The following ENPP6 variants were observed in gnomAD, a reference collection of about 807,000 sequenced individuals.
ENPP6 encodes the protein glycerophosphocholine cholinephosphodiesterase ENPP6.
A neutral mutation model predicts 42.0 loss-of-function variants in ENPP6; 32 were observed. The ratio of observed to expected loss-of-function variants is 0.76; its 90% CI spans 0.58 to 1.02. The LOEUF is 1.02. ENPP6 is among the 50% of genes least tolerant of loss of function. The probability of loss-of-function intolerance (pLI) is 0.00; values close to 1 mark genes in which losing one functional copy is unlikely to be tolerated. For synonymous variants in ENPP6, 213 were observed against 216.0 expected (o/e 0.99, Z 0.12); for missense variants, 552 against 566.8 (o/e 0.97, Z 0.27).
chr4:184,194,093 C>T (rs1407947853), intron 1 of ENPP6, among the ~76,000 whole-genome samples: 4 of 152,162 alleles, frequency 2.6e-5, no homozygotes, highest in East Asian at 1.9e-4. Flanking sequence ...TGAGCATGGT[C>T]CCCGAGGTTC....
At chr4:184,216,847 C>G (rs1232988568) in intron 1 of ENPP6, 2 of 152,154 alleles carry the variant, frequency 1.3e-5, no homozygotes, top group Non-Finnish European at 2.9e-5. Flanking sequence ...GAAGGCCGTC[C>G]TTAGGAAAAT....
chr4:184,106,845 G>A (rs373803054), intron 6 of ENPP6, among the ~76,000 whole-genome samples: 39 of 152,272 alleles, frequency 2.6e-4, no homozygotes, highest in Non-Finnish European at 3.5e-4. Flanking sequence ...CGCTGTAGTC[G>A]GCACTCAGCA....
chr4:184,088,794 C>T lies in ENPP6; in HGVS notation c.*2383G>A, dbSNP rs1397450984. ...CCAGGATTCATGATTCCTTTTGTAA[C>T]TTGTTCTCAGTCATTTATTCAGTTG... is the stretch of plus-strand genomic sequence containing the variant. On this transcript the variant is annotated 3_prime_UTR_variant, in exon 8 of 8. Transcript: ENST00000296741. 2.6e-5 allele frequency: 4 copies of T among 152,122 alleles called. No individual in the cohort carries two copies. The highest frequency in any genetic ancestry group is 9.7e-5 in the African/African-American group (4 of 41,404). The allele number at this position is 152,122 out of a possible 1,614,324, so 9.4% of individuals were successfully genotyped here.
intron 1 of ENPP6, among the ~76,000 whole-genome samples, chr4:184,188,564 C>T (rs1257923610): frequency 2.0e-5 from 3 of 152,276 alleles, no homozygotes; most frequent in African/African-American, 7.2e-5. Context: ...TAGGAATCAG[C>T]TCCATGAGAC....
chr4:184,195,892 T>C (rs950920187), intron 1 of ENPP6, among the ~76,000 whole-genome samples: 2 of 152,248 alleles, frequency 1.3e-5, no homozygotes, highest in Admixed American at 6.5e-5. Flanking sequence ...CCAAGACTTC[T>C]TTCTCTCTAA....
rs1282337535 is a variant in ENPP6 at position 184,157,470 on chromosome 4, CCTT to C, written c.242-3740_242-3738del. Among the ~76,000 whole-genome samples, 579 of 147,994 alleles carry C rather than the reference CCTT, an allele frequency of 3.9e-3. 13 individuals are homozygous for C. The highest frequency in any genetic ancestry group is 0.03 in the Admixed American group (443 of 14,680). On this transcript the variant is annotated intron_variant, in intron 1 of 7. Coordinates refer to ENST00000296741, the MANE Select transcript of ENPP6 (RefSeq NM_153343.4). ...TTTCTTTCTCTCTCTTTCTTTCCTT[CCTT>C]TCCTTTCTTTCCTTCCTTTCCTTTC...
rs765721760 is a variant in ENPP6, at chr4:184,217,753, G to A, written c.67C>T (p.Arg23Cys). The change falls in exon 1 of 8, where the codon CGC becomes TGC. Residue 23 changes from arginine (R) to cysteine (C), a missense_variant. Arg to Cys is a radical substitution (Grantham distance 180). Around this residue, in one of 2 missense-constraint regions of ENPP6, gnomAD observed 545 missense variants for 546.3 expected, o/e 1.00. Coordinates refer to ENST00000296741, the MANE Select transcript of ENPP6 (RefSeq NM_153343.4). ...ALGLAQPASA[R>C]RKLLVFLLDG... is the part of the protein sequence containing the mutation. Reference sequence around the variant, plus strand: ...AGCAGAAACACCAGCAGCTTCCGGCGGGCAGAGGCTGGCTGGGCCAGGCCC... The same window carrying A: ...AGCAGAAACACCAGCAGCTTCCGGCAGGCAGAGGCTGGCTGGGCCAGGCCC... 33 of 1,613,980 alleles carry A rather than the reference G, an allele frequency of 2.0e-5. No homozygotes were observed. Among genetic ancestry groups the A allele is most frequent in the Admixed American group, 1.5e-4 (9 of 60,008 alleles).
At chr4:184,139,038 T>C (rs1007474173) in intron 2 of ENPP6, among the ~76,000 whole-genome samples, 1 of 152,246 alleles carries the variant, frequency 6.6e-6, no homozygotes, top group African/African-American at 2.4e-5. Context: ...ACACCGTTCA[T>C]TTGGGTGGAA....
chr4:184,208,522 C>A (rs1733040416), intron 1 of ENPP6, among the ~76,000 whole-genome samples: 1 of 152,158 alleles, frequency 6.6e-6, no homozygotes, highest in Non-Finnish European at 1.5e-5. Flanking sequence ...AAATACTGCG[C>A]TTTTCCGACG....
intron 1 of ENPP6, among the ~76,000 whole-genome samples, chr4:184,211,052 A>G (rs1331454017): frequency 6.6e-6 from 1 of 151,018 alleles, no homozygotes; most frequent in Non-Finnish European, 1.5e-5. Context: ...GAACAAAGAC[A>G]CAACATACCA....
Position 184,089,332 on chromosome 4 carries a change from G to A in ENPP6, c.*1845C>T, listed in dbSNP as rs879389891. 6.6e-5 allele frequency: 10 copies of A among 152,176 alleles called. No individual in the cohort carries two copies. Among genetic ancestry groups the A allele is most frequent in the Admixed American group, 3.3e-4 (5 of 15,276 alleles). 9.4% of individuals were successfully genotyped at this position (152,176 alleles called of 1,614,324 possible). ...ACAGCACCCAGCTTTCCTGAATCAA[G>A]GTGAACGTTGATATTCAGTTTTCAA... On this transcript the variant is annotated 3_prime_UTR_variant, in exon 8 of 8. Coordinates refer to ENST00000296741, the MANE Select transcript of ENPP6 (RefSeq NM_153343.4).
chr4:184,122,754 T>C (rs1579620604), intron 3 of ENPP6, among the ~76,000 whole-genome samples: 1 of 152,330 alleles, frequency 6.6e-6, no homozygotes, highest in South Asian at 2.1e-4. Flanking sequence ...GTTGGGTTAT[T>C]TGGAGGTATC....
chr4:184,202,713 A>G (rs1732923511), intron 1 of ENPP6, among the ~76,000 whole-genome samples: 1 of 152,216 alleles, frequency 6.6e-6, no homozygotes, highest in Non-Finnish European at 1.5e-5. Flanking sequence ...TGAAGAGGAA[A>G]TCGGAGGGGA....
intron 1 of ENPP6, among the ~76,000 whole-genome samples, chr4:184,181,561 C>T (rs952692893): frequency 6.6e-6 from 1 of 152,124 alleles, no homozygotes; most frequent in African/African-American, 2.4e-5. Context: ...CAAGACAATC[C>T]TAAGCAAAAA....
chr4:184,158,263 C>T (rs1361054565), intron 1 of ENPP6, among the ~76,000 whole-genome samples: 1 of 152,196 alleles, frequency 6.6e-6, no homozygotes, highest in Non-Finnish European at 1.5e-5. Context: ...GTAGCTTAGA[C>T]TCTCTGAAGC....
At chr4:184,158,333 T>C (rs1283604178) in intron 1 of ENPP6, among the ~76,000 whole-genome samples, 1 of 152,142 alleles carries the variant, frequency 6.6e-6, no homozygotes, top group Non-Finnish European at 1.5e-5. Flanking sequence ...GTCATCCCTT[T>C]GCATGGCAGT....
intron 2 of ENPP6, among the ~76,000 whole-genome samples, chr4:184,142,633 G>A (rs919711446): frequency 1.3e-5 from 2 of 152,314 alleles, no homozygotes; most frequent in African/African-American, 4.8e-5. Context: ...AGACAAATTA[G>A]ATGAGAACCA....
chr4:184,209,177 G>A (rs550019188), intron 1 of ENPP6, among the ~76,000 whole-genome samples: 67 of 150,972 alleles, frequency 4.4e-4, no homozygotes, highest in Middle Eastern at 3.4e-3. Flanking sequence ...AAAGCAGAGC[G>A]CCTCTCCTCT....
intron 1 of ENPP6, among the ~76,000 whole-genome samples, chr4:184,178,358 A>G (rs1026628922): frequency 2.6e-5 from 4 of 152,184 alleles, no homozygotes; most frequent in African/African-American, 9.7e-5. Context: ...ACCTCTGAGA[A>G]CTATGGGATT....
Sources: gnomAD v4.1 joint callset for allele counts (sites outside exome capture counted in the v4.1 genomes callset) on GRCh38, gnomAD v4.1.1 for gene constraint, gnomAD v4.1.1 regional missense constraint, MANE v1.5 for transcripts, NCBI Gene and HGNC (gene_info 2026-07-23, HGNC 2026-07-21) for gene names.